PTPN3: variants seen among roughly 807,000 people sequenced by gnomAD.
The protein encoded by PTPN3 is tyrosine-protein phosphatase non-receptor type 3.
A neutral mutation model predicts 132.7 loss-of-function variants in PTPN3; 96 were observed. The ratio of observed to expected loss-of-function variants is 0.72; its 90% CI spans 0.61 to 0.86. The LOEUF is 0.86. Among genes scored for constraint, PTPN3 ranks in the 40% least tolerant of loss-of-function variants. The pLI is 0.00. For missense variants in PTPN3, 1,125 were observed against 1,159.6 expected, an observed-to-expected ratio of 0.97 and a Z score of 0.43; for synonymous variants, 398 against 429.0, an observed-to-expected ratio of 0.93 and a Z score of 0.89.
chr9:109,507,779 G>A, the PTPN3 span, among the ~76,000 whole-genome samples: 10 of 152,182 alleles, frequency 6.6e-5, no homozygotes, highest in Non-Finnish European at 1.2e-4. Flanking sequence ...AGTGCTCCGG[G>A]ACTCACTTTA....
At chr9:109,433,828 A>C (rs1843831702) in intron 9 of PTPN3, among the ~76,000 whole-genome samples, 1 of 149,824 alleles carries the variant, frequency 6.7e-6, no homozygotes, top group Admixed American at 6.7e-5. Context: ...GGACTGCTTA[A>C]GCCTGGGAAG....
At position 109,439,122 on chromosome 9, in the gene PTPN3, T is replaced by C. The variant is rs567348290; in HGVS notation, c.467-888A>G. Among the ~76,000 whole-genome samples, 8 of 152,260 alleles carry C rather than the reference T, an allele frequency of 5.3e-5. No homozygotes were observed. The South Asian group carries it at 1.5e-3, about 28-fold the overall frequency. Reference sequence around the variant, plus strand: ...GTGCAGTGCTCAACCTGTACAAGTGTCCATGGCTGCCTCAAGGACTCAAAC... The same window carrying C: ...GTGCAGTGCTCAACCTGTACAAGTGCCCATGGCTGCCTCAAGGACTCAAAC... On this transcript the variant is annotated intron_variant, in intron 7 of 25. Transcript: ENST00000374541.
chr9:109,522,527 T>A, the PTPN3 span, among the ~76,000 whole-genome samples: 204 of 152,342 alleles, frequency 1.3e-3, no homozygotes, highest in African/African-American at 4.6e-3. Context: ...CAAATATTTT[T>A]ATAAATGTAT....
rs754431251 is a variant in PTPN3 at position 109,382,430 on chromosome 9, T to A, written c.2400A>T (p.Thr800=). The change falls in exon 24 of 26, where the codon ACA becomes ACT. Residue 800 remains threonine, a synonymous_variant. Transcript: ENST00000374541. ...ATGCGACGTACTGGAGATGTGTCAC[T>A]GTGTGTTCTTCCCCGGTCTGTGGGA... The part of the protein sequence containing the change: ...VTNTQTGEEH[T]VTHLQYVAWP... 1 of 1,614,212 alleles carries A rather than the reference T, an allele frequency of 6.2e-7. No individual in the cohort carries two copies. Among genetic ancestry groups the A allele is most frequent in the South Asian group, 1.1e-5 (1 of 91,084 alleles).
At chr9:109,405,701 T>G (rs1841504587) in intron 18 of PTPN3, among the ~76,000 whole-genome samples, 1 of 152,196 alleles carries the variant, frequency 6.6e-6, no homozygotes, top group Non-Finnish European at 1.5e-5. Flanking sequence ...GCGATTCTCC[T>G]GCCTCAGCCT....
At chr9:109,477,161 G>T (rs556654321) in intron 1 of PTPN3, among the ~76,000 whole-genome samples, 1 of 152,288 alleles carries the variant, frequency 6.6e-6, no homozygotes, top group Non-Finnish European at 1.5e-5. Flanking sequence ...CGAATTACAG[G>T]TGATTCACTG....
At chr9:109,404,114 C>T (rs1841365678) in intron 19 of PTPN3, among the ~76,000 whole-genome samples, 1 of 152,174 alleles carries the variant, frequency 6.6e-6, no homozygotes, top group Non-Finnish European at 1.5e-5. Context: ...AGTCCCTCCT[C>T]CTCAGTTTCT....
At chr9:109,422,130 GTTAA>G (rs1276225662) in intron 13 of PTPN3, among the ~76,000 whole-genome samples, 1 of 112,820 alleles carries the variant, frequency 8.9e-6, no homozygotes, top group African/African-American at 2.7e-5. Flanking sequence ...AAAGAAACTT[GTTAA>G]TTAACAGAAG....
chr9:109,423,993 T>G (rs1262328885), intron 12 of PTPN3, among the ~76,000 whole-genome samples: 1 of 152,202 alleles, frequency 6.6e-6, no homozygotes, highest in African/African-American at 2.4e-5. Flanking sequence ...CTGATCAAAA[T>G]GCTCACAACA....
the PTPN3 span, chr9:109,511,432 A>G: frequency 6.5e-6 from 1 of 153,412 alleles, no homozygotes; most frequent in Non-Finnish European, 1.5e-5. Flanking sequence ...TTCCCCTTTC[A>G]TGCTGAGGCT....
intron 7 of PTPN3, among the ~76,000 whole-genome samples, chr9:109,442,193 G>T (rs1295926778): frequency 6.6e-6 from 1 of 152,024 alleles, no homozygotes; most frequent in Non-Finnish European, 1.5e-5. Flanking sequence ...AACTACAGGG[G>T]TGTACCACCA....
intron 12 of PTPN3, among the ~76,000 whole-genome samples, chr9:109,424,404 A>C (rs1363917886): frequency 6.6e-6 from 1 of 152,222 alleles, no homozygotes; most frequent in Non-Finnish European, 1.5e-5. Flanking sequence ...CCATCCTCCC[A>C]ACCCAAATGA....
rs1014196528 is a variant in PTPN3, at chr9:109,377,381, C to T, written c.*2175G>A. 2 of 140,572 alleles carry T rather than the reference C, an allele frequency of 1.4e-5. No homozygotes were observed. Among genetic ancestry groups the T allele is most frequent in the African/African-American group, 5.4e-5 (2 of 37,166 alleles). 8.7% of individuals were successfully genotyped at this position (140,572 alleles called of 1,614,324 possible). A position where few individuals can be genotyped will look rare whatever the true frequency, so the allele number is the denominator to read the frequency against. ...TTTGAGACCAGCCTAGGCAACACAT[C>T]AAGATCCTGTCTCTACACACACACA... On this transcript the variant is annotated 3_prime_UTR_variant, in exon 26 of 26. Transcript: ENST00000374541.
At chr9:109,515,823 G>C in the PTPN3 span, among the ~76,000 whole-genome samples, 18 of 152,164 alleles carry the variant, frequency 1.2e-4, no homozygotes, top group African/African-American at 3.1e-4. Context: ...CCTTGGAGAA[G>C]GCACCAAGCC....
intron 18 of PTPN3, among the ~76,000 whole-genome samples, chr9:109,405,456 G>A (rs180851529): frequency 2.1e-4 from 32 of 152,292 alleles, no homozygotes; most frequent in Admixed American, 1.8e-3. Flanking sequence ...AGCTGTGCAC[G>A]GTGTTCAAGG....
At chr9:109,416,018 A>C (rs1051536244) in intron 14 of PTPN3, among the ~76,000 whole-genome samples, 3 of 152,186 alleles carry the variant, frequency 2.0e-5, no homozygotes, top group Admixed American at 6.5e-5. Flanking sequence ...GGACATGTAG[A>C]ATGGTATGCA....
rs771246077 is a variant in PTPN3, at chr9:109,382,282, CA to C, written c.2528+19del. 1 of 1,612,150 alleles carries C rather than the reference CA, an allele frequency of 6.2e-7. No homozygotes were observed. The highest frequency in any genetic ancestry group is 1.1e-5 in the South Asian group (1 of 90,716). On this transcript the variant is annotated intron_variant, in intron 24 of 25. Transcript: ENST00000374541. ...GACAGGGAAAGGATTCCAAACCTAA[CA>C]AAACAGCAAGCGCCATACCTGCAGT...
Position 109,420,219 on chromosome 9 carries a change from C to T in PTPN3, c.1313+205G>A, listed in dbSNP as rs551547821. ...TCTTTGTCGTGGACAAAAAGAAGTA[C>T]AAGCTCTAGACCCCAGGCACATAGA... On this transcript the variant is annotated intron_variant, in intron 14 of 25. Coordinates refer to ENST00000374541, the MANE Select transcript of PTPN3 (RefSeq NM_002829.4). Among the ~76,000 whole-genome samples, 9 of 152,244 alleles carry T rather than the reference C, an allele frequency of 5.9e-5. No individual in the cohort carries two copies. The South Asian group carries it at 1.9e-3, about 32-fold the overall frequency.
the PTPN3 span, among the ~76,000 whole-genome samples, chr9:109,513,095 A>G: frequency 2.6e-5 from 4 of 152,116 alleles, no homozygotes; most frequent in African/African-American, 9.7e-5. Context: ...TGCAGCCTCA[A>G]CCTCCTGGGT....
Sources: allele counts gnomAD v4.1 joint callset (sites outside exome capture counted in the v4.1 genomes callset), GRCh38; gene constraint gnomAD v4.1.1; transcripts MANE v1.5; gene names NCBI Gene and HGNC (gene_info 2026-07-23, HGNC 2026-07-21).